The following BAZ2B variants were observed in gnomAD, a reference collection of about 807,000 sequenced individuals.
The protein encoded by BAZ2B is bromodomain adjacent to zinc finger domain 2B.
In BAZ2B, 91 loss-of-function variants were observed where a neutral mutation model predicts 246.0. That is an observed-to-expected ratio of 0.37 (90% CI 0.31 to 0.44). The LOEUF is 0.44. Among genes scored for constraint, BAZ2B ranks in the 20% least tolerant of loss-of-function variants. The probability of loss-of-function intolerance (pLI) is 1.00; values close to 1 mark genes in which losing one functional copy is unlikely to be tolerated. For missense variants in BAZ2B, 2,332 were observed against 2,533.7 expected (o/e 0.92, Z 1.71); for synonymous variants, 855 against 860.0 (o/e 0.99, Z 0.10).
At chr2:159,425,167 G>C (rs1018362089) in intron 13 of BAZ2B, among the ~76,000 whole-genome samples, 2 of 152,054 alleles carry the variant, frequency 1.3e-5, no homozygotes, top group African/African-American at 4.8e-5. Flanking sequence ...AGTTTTAAAA[G>C]ACAGGAAATT....
chr2:159,318,095 A>G (rs1490102026), downstream of BAZ2B, among the ~76,000 whole-genome samples: 2 of 152,220 alleles, frequency 1.3e-5, no homozygotes, highest in Non-Finnish European at 2.9e-5. Flanking sequence ...GAGGCACCAG[A>G]CATGTTATTA....
intron 27 of BAZ2B, among the ~76,000 whole-genome samples, chr2:159,356,457 A>G (rs1432008429): frequency 6.6e-6 from 1 of 152,218 alleles, no homozygotes; most frequent in Non-Finnish European, 1.5e-5. Flanking sequence ...CTCTCTGGAC[A>G]GGGCATCTCT....
At position 159,350,012 on chromosome 2, in the gene BAZ2B, A is replaced by T; in HGVS notation, c.4559T>A (p.Val1520Glu). The change falls in exon 28 of 37, where the codon GTG (valine) becomes GAG (glutamate). Residue 1520 changes from valine (V) to glutamate (E), a missense_variant. By Grantham distance (121) the Val-to-Glu change is moderately radical. This residue lies in a region of BAZ2B where 676 missense variants were observed against 668.6 expected (regional missense o/e 1.01). Coordinates refer to ENST00000392783, the MANE Select transcript of BAZ2B (RefSeq NM_013450.4). ...SVQSTATQSN[V>E]EKADSNNLFN... ...CAGATTATTAGAGTCTGCCTTTTCC[A>T]CATTGCTTTGCGTTGCTGTTGACTG... The T allele has an allele frequency of 6.2e-7, 1 of 1,614,194 alleles. No homozygotes were observed. Among genetic ancestry groups the T allele is most frequent in the East Asian group, 2.2e-5 (1 of 44,880 alleles).
chr2:159,437,914 C>T (rs2072694654), intron 8 of BAZ2B: 1 of 135,574 alleles, frequency 7.4e-6, no homozygotes, highest in African/African-American at 2.8e-5. Flanking sequence ...GAGACCCTGC[C>T]TCAAAAAAAA....
chr2:159,532,866 G>A (rs866905377), intron 2 of BAZ2B, among the ~76,000 whole-genome samples: 3 of 152,108 alleles, frequency 2.0e-5, no homozygotes, highest in Non-Finnish European at 2.9e-5. Context: ...TTTTAGTTGA[G>A]TCTCCAAGAA....
At chr2:159,343,306 A>G (rs1420969487) in intron 31 of BAZ2B, among the ~76,000 whole-genome samples, 1 of 152,196 alleles carries the variant, frequency 6.6e-6, no homozygotes, top group Non-Finnish European at 1.5e-5. Context: ...CCAAATGATA[A>G]AACTACAGAA....
intron 3 of BAZ2B, among the ~76,000 whole-genome samples, chr2:159,454,481 G>A (rs1577218752): frequency 1.3e-5 from 2 of 152,178 alleles, no homozygotes; most frequent in East Asian, 3.8e-4. Context: ...TGTTCAGGAT[G>A]TTACTGAACT....
intron 2 of BAZ2B, among the ~76,000 whole-genome samples, chr2:159,532,462 AAG>A (rs1417691466): frequency 6.6e-6 from 1 of 152,198 alleles, no homozygotes; most frequent in African/African-American, 2.4e-5. Flanking sequence ...GAGAACAAAA[AAG>A]TTTAAAACAA....
At chr2:159,625,014 C>T in the BAZ2B span, among the ~76,000 whole-genome samples, 3 of 151,816 alleles carry the variant, frequency 2.0e-5, no homozygotes, top group South Asian at 2.1e-4. Context: ...AAACACAGCA[C>T]GAGAACTTTG....
At chr2:159,519,190 C>T (rs2151241941) in intron 2 of BAZ2B, among the ~76,000 whole-genome samples, 1 of 142,870 alleles carries the variant, frequency 7.0e-6, no homozygotes, top group South Asian at 2.2e-4. Context: ...TTTTCAAATT[C>T]CAACTTCATA....
intron 33 of BAZ2B, among the ~76,000 whole-genome samples, chr2:159,335,543 CAAAAAAA>C (rs10590482): frequency 8.9e-6 from 1 of 112,224 alleles, no homozygotes; most frequent in Non-Finnish European, 1.9e-5. Context: ...GACTCTGTCT[CAAAAAAA>C]AAAAAAAAAA....
At chr2:159,475,260 G>GT (rs1313985760) in intron 3 of BAZ2B, among the ~76,000 whole-genome samples, 1 of 151,982 alleles carries the variant, frequency 6.6e-6, no homozygotes, top group African/African-American at 2.4e-5. Context: ...TCCTTTCATT[G>GT]TTTTTTCTCT....
intron 27 of BAZ2B, 79 bp from the exon 28 acceptor site, chr2:159,350,436 T>C (rs1380445865): frequency 3.9e-6 from 5 of 1,279,000 alleles, no homozygotes; most frequent in Admixed American, 3.1e-5. Flanking sequence ...TTACTCTTTA[T>C]CAAATTATAT....
At chr2:159,696,499 C>T in the BAZ2B span, among the ~76,000 whole-genome samples, 2 of 152,112 alleles carry the variant, frequency 1.3e-5, no homozygotes, top group Admixed American at 1.3e-4. Flanking sequence ...GTCCCATATA[C>T]ACTTTTAAGT....
the BAZ2B span, among the ~76,000 whole-genome samples, chr2:159,627,816 C>T: frequency 2.6e-5 from 4 of 152,010 alleles, no homozygotes; most frequent in Non-Finnish European, 5.9e-5. Flanking sequence ...AAGTTCTGGC[C>T]AGGGCAATCA....
intron 34 of BAZ2B, among the ~76,000 whole-genome samples, chr2:159,331,977 T>C (rs773974888): frequency 4.6e-5 from 7 of 152,030 alleles, no homozygotes; most frequent in Non-Finnish European, 1.0e-4. Context: ...GGGAGTGAAC[T>C]GGAAGGGAAG....
intron 1 of BAZ2B, among the ~76,000 whole-genome samples, chr2:159,606,803 C>CT (rs1369820867): frequency 6.6e-6 from 1 of 151,934 alleles, no homozygotes. Context: ...TAGGAAAAGA[C>CT]TAACTACTAA....
intron 2 of BAZ2B, among the ~76,000 whole-genome samples, chr2:159,493,393 A>T (rs921655827): frequency 2.9e-4 from 44 of 152,280 alleles, no homozygotes; most frequent in South Asian, 1.2e-3. Context: ...AAATCCTCTC[A>T]CTTAGTGAGG....
At chr2:159,526,339 C>T (rs1376739859) in intron 2 of BAZ2B, among the ~76,000 whole-genome samples, 1 of 152,024 alleles carries the variant, frequency 6.6e-6, no homozygotes, top group African/African-American at 2.4e-5. Context: ...AGCATGTAGA[C>T]CGTAATACAG....
Sources: allele counts gnomAD v4.1 joint callset (sites outside exome capture counted in the v4.1 genomes callset), GRCh38; gene constraint gnomAD v4.1.1; regional missense constraint gnomAD v4.1.1; transcripts MANE v1.5; gene names NCBI Gene and HGNC (gene_info 2026-07-23, HGNC 2026-07-21).